SLC16A12: variants seen among roughly 807,000 people sequenced by gnomAD.
SLC16A12 encodes the protein monocarboxylate transporter 12.
In SLC16A12, 17 loss-of-function variants were observed where a neutral mutation model predicts 42.4. The observed-to-expected ratio is 0.40, with a 90% CI of 0.27 to 0.60. The LOEUF is 0.60. SLC16A12 is among the 20% of genes least tolerant of loss of function. SLC16A12 has a pLI of 0.42. For synonymous variants in SLC16A12, 224 were observed against 229.4 expected (o/e 0.98, Z 0.21); for missense variants, 544 against 623.0 (o/e 0.87, Z 1.35).
chr10:89,514,061 G>A (rs547024613), intron 2 of SLC16A12, among the ~76,000 whole-genome samples: 81 of 152,314 alleles, frequency 5.3e-4, no homozygotes, highest in African/African-American at 1.9e-3. Flanking sequence ...GGGCTTCTCA[G>A]ATTTTCCTAG....
intron 2 of SLC16A12, among the ~76,000 whole-genome samples, chr10:89,529,913 T>C (rs938945679): frequency 6.6e-6 from 1 of 152,174 alleles, no homozygotes; most frequent in African/African-American, 2.4e-5. Flanking sequence ...AATTTCTCTC[T>C]AGATACAGAA....
chr10:89,432,497 T>G lies in SLC16A12; in HGVS notation c.*567A>C, dbSNP rs1841709866. ...GAAAAAAAAAATAAGAGTTTCTTTC[T>G]ATATTAATCACCACTTTTTGAAGAA... On this transcript the variant is annotated 3_prime_UTR_variant, in exon 8 of 8. Transcript: ENST00000371790. 1 of 152,424 alleles carries G rather than the reference T, an allele frequency of 6.6e-6. No homozygotes were observed. Among genetic ancestry groups the G allele is most frequent in the South Asian group, 2.1e-4 (1 of 4,826 alleles). 9.4% of individuals were successfully genotyped at this position (152,424 alleles called of 1,614,324 possible).
intron 2 of SLC16A12, among the ~76,000 whole-genome samples, chr10:89,504,857 T>C (rs1021160262): frequency 1.3e-5 from 2 of 152,162 alleles, no homozygotes; most frequent in African/African-American, 4.8e-5. Flanking sequence ...CTGGTTCTGC[T>C]TCACTGGGCA....
chr10:89,517,194 C>T (rs1843267795), intron 2 of SLC16A12, among the ~76,000 whole-genome samples: 1 of 152,100 alleles, frequency 6.6e-6, no homozygotes, highest in South Asian at 2.1e-4. Context: ...CACTGTACTC[C>T]AGCGTGGGTG....
At chr10:89,434,984 C>A (rs1243332029) in intron 7 of SLC16A12, among the ~76,000 whole-genome samples, 1 of 152,220 alleles carries the variant, frequency 6.6e-6, no homozygotes, top group African/African-American at 2.4e-5. Flanking sequence ...GACCTGTTTA[C>A]TCCTGTCTCT....
At chr10:89,496,680 G>A (rs1842926077) in intron 2 of SLC16A12, among the ~76,000 whole-genome samples, 1 of 152,094 alleles carries the variant, frequency 6.6e-6, no homozygotes, top group Admixed American at 6.5e-5. Context: ...AAGCTTTAAG[G>A]AGCTAACATC....
chr10:89,461,966 T>A (rs1330702373), intron 3 of SLC16A12, among the ~76,000 whole-genome samples: 1 of 152,208 alleles, frequency 6.6e-6, no homozygotes, highest in Non-Finnish European at 1.5e-5. Flanking sequence ...AGATGTTACA[T>A]CCTTCCACAT....
intron 2 of SLC16A12, among the ~76,000 whole-genome samples, chr10:89,475,416 A>G (rs185880820): frequency 2.0e-5 from 3 of 152,180 alleles, no homozygotes; most frequent in East Asian, 3.9e-4. Flanking sequence ...CAAGCACCCA[A>G]TTGTTTTCAT....
intron 2 of SLC16A12, among the ~76,000 whole-genome samples, chr10:89,475,808 A>G (rs1187574865): frequency 1.3e-5 from 2 of 152,216 alleles, no homozygotes; most frequent in African/African-American, 4.8e-5. Context: ...AGAGTGATTT[A>G]TATGGTATTT....
chr10:89,552,618 C>A (rs1261263117), intron 2 of SLC16A12, among the ~76,000 whole-genome samples: 1 of 152,160 alleles, frequency 6.6e-6, no homozygotes, highest in Non-Finnish European at 1.5e-5. Flanking sequence ...TTGCTTCTGG[C>A]TCTTCAATTC....
At chr10:89,522,320 C>T (rs1843370411) in intron 2 of SLC16A12, among the ~76,000 whole-genome samples, 1 of 152,230 alleles carries the variant, frequency 6.6e-6, no homozygotes, top group Non-Finnish European at 1.5e-5. Flanking sequence ...TCCTTTGCTG[C>T]TCCGCTTTCC....
At chr10:89,444,260 T>C (rs1041873302) in intron 3 of SLC16A12, among the ~76,000 whole-genome samples, 1 of 152,166 alleles carries the variant, frequency 6.6e-6, no homozygotes, top group African/African-American at 2.4e-5. Flanking sequence ...AAGGAAATAA[T>C]CAGGTGATAT....
chr10:89,442,195 G>C (rs192565788), intron 4 of SLC16A12, among the ~76,000 whole-genome samples: 27 of 152,300 alleles, frequency 1.8e-4, no homozygotes, highest in Admixed American at 1.6e-3. Flanking sequence ...TACCTTCTCT[G>C]TTCATCACAG....
chr10:89,505,110 C>T (rs1564592596), intron 2 of SLC16A12, among the ~76,000 whole-genome samples: 1 of 152,106 alleles, frequency 6.6e-6, no homozygotes, highest in African/African-American at 2.4e-5. Flanking sequence ...AGCAAAAAGA[C>T]AATAAAAATC....
rs41284954 is a variant in SLC16A12 at position 89,430,803 on chromosome 10, T to C, written c.*2261A>G. The C allele has an allele frequency of 1.0e-2, 4,285 of 429,880 alleles. 42 individuals are homozygous for C. The highest frequency in any genetic ancestry group is 0.026 in the Middle Eastern group (73 of 2,776). 26.6% of individuals were successfully genotyped at this position (429,880 alleles called of 1,614,324 possible). A position where few individuals can be genotyped will look rare whatever the true frequency, so the allele number is the denominator to read the frequency against. The stretch of plus-strand genomic sequence containing the variant: ...ATTTTTCATAAATACTTGTAATACT[T>C]CACAGAAATTATATTGCAGAACCAC... On this transcript the variant is annotated 3_prime_UTR_variant, in exon 8 of 8. Transcript: ENST00000371790.
chr10:89,463,550 T>A (rs905144267), intron 2 of SLC16A12, among the ~76,000 whole-genome samples: 1 of 152,202 alleles, frequency 6.6e-6, no homozygotes, highest in Non-Finnish European at 1.5e-5. Flanking sequence ...CAAATATTTA[T>A]CTGTTCTCTA....
chr10:89,457,711 C>A (rs1296736467), intron 3 of SLC16A12, among the ~76,000 whole-genome samples: 1 of 152,126 alleles, frequency 6.6e-6, no homozygotes, highest in African/African-American at 2.4e-5. Flanking sequence ...ACACAGAACA[C>A]TGAATTAGCC....
At chr10:89,491,133 G>A (rs913951404) in intron 2 of SLC16A12, among the ~76,000 whole-genome samples, 3 of 152,168 alleles carry the variant, frequency 2.0e-5, no homozygotes, top group African/African-American at 7.2e-5. Flanking sequence ...TCTCCATGAG[G>A]CAAAAGATGC....
intron 2 of SLC16A12, among the ~76,000 whole-genome samples, chr10:89,476,501 G>A (rs935336461): frequency 1.3e-5 from 2 of 152,158 alleles, no homozygotes; most frequent in Admixed American, 6.5e-5. Context: ...AGGGACCCTG[G>A]AGGCTCCCAC....
Sources: allele counts gnomAD v4.1 joint callset (sites outside exome capture counted in the v4.1 genomes callset), GRCh38; gene constraint gnomAD v4.1.1; transcripts MANE v1.5; gene names NCBI Gene and HGNC (gene_info 2026-07-23, HGNC 2026-07-21).